DZIP3: variants seen among roughly 807,000 people sequenced by gnomAD.
DZIP3 encodes the protein DAZ interacting zinc finger protein 3, also known as E3 ubiquitin-protein ligase DZIP3.
A neutral mutation model predicts 162.0 loss-of-function variants in DZIP3; 118 were observed. The ratio of observed to expected loss-of-function variants is 0.73; its 90% CI spans 0.63 to 0.85. DZIP3 has a LOEUF of 0.85. Ranked by LOEUF, DZIP3 falls within the 40% of genes least tolerant of loss-of-function variation. DZIP3 has a pLI of 0.00. For synonymous variants in DZIP3, 438 were observed against 458.6 expected (o/e 0.96, Z 0.57); for missense variants, 1,331 against 1,407.0 (o/e 0.95, Z 0.86).
At chr3:108,684,784 A>G (rs568933257) in intron 27 of DZIP3, among the ~76,000 whole-genome samples, 13 of 152,198 alleles carry the variant, frequency 8.5e-5, no homozygotes, top group Non-Finnish European at 1.8e-4. Context: ...AAGTGTATCT[A>G]TAAACAGACT....
At chr3:108,665,341 A>T (rs1276675848) in intron 21 of DZIP3, among the ~76,000 whole-genome samples, 1 of 152,182 alleles carries the variant, frequency 6.6e-6, no homozygotes, top group Non-Finnish European at 1.5e-5. Context: ...GCTGGATATA[A>T]TCACTAGTAA....
At chr3:108,611,373 G>T (rs765870910) in intron 4 of DZIP3, 44 bp downstream of exon 4, 3 of 1,588,540 alleles carry the variant, frequency 1.9e-6, no homozygotes, top group African/African-American at 2.7e-5. Context: ...GCAGCTGTCT[G>T]TATATGACTT....
Position 108,647,798 on chromosome 3 carries a change from A to C in DZIP3, c.1793-145A>C. On this transcript the variant is annotated intron_variant, in intron 15 of 32. Coordinates refer to ENST00000361582, the MANE Select transcript of DZIP3 (RefSeq NM_014648.4). ...ATTTGGTAACTGATAAATGAACATC[A>C]CATTTTCATCGAGTAATTGAAAAGA... 3 of 642,524 alleles carry C rather than the reference A, an allele frequency of 4.7e-6. No individual in the cohort carries two copies. In the South Asian group the frequency reaches 7.6e-5, roughly 16 times the overall value. The allele number at this position is 642,524 out of a possible 1,614,324, so 39.8% of individuals were successfully genotyped here. A position where few individuals can be genotyped will look rare whatever the true frequency, so the allele number is the denominator to read the frequency against.
At chr3:108,612,688 G>A (rs565953985) in intron 4 of DZIP3, among the ~76,000 whole-genome samples, 2 of 152,020 alleles carry the variant, frequency 1.3e-5, no homozygotes, top group African/African-American at 4.8e-5. Flanking sequence ...TTACATCTAG[G>A]TATTACATAT....
chr3:108,639,196 G>C (rs1942282438), intron 12 of DZIP3, among the ~76,000 whole-genome samples: 1 of 152,036 alleles, frequency 6.6e-6, no homozygotes, highest in East Asian at 1.9e-4. Flanking sequence ...CACTTTCTTG[G>C]CTGTCTTCTC....
At chr3:108,598,486 CTCTT>C (rs1559714911) in intron 1 of DZIP3, among the ~76,000 whole-genome samples, 1 of 152,142 alleles carries the variant, frequency 6.6e-6, no homozygotes, top group Non-Finnish European at 1.5e-5. Flanking sequence ...TGAAAAGAAA[CTCTT>C]TATAACCAAA....
Position 108,663,390 on chromosome 3 carries a change from C to T in DZIP3, c.2423+1133C>T, listed in dbSNP as rs975645637. Among the ~76,000 whole-genome samples, 19 of 152,096 alleles carry T rather than the reference C, an allele frequency of 1.2e-4. 1 individual carries two copies. Among genetic ancestry groups the T allele is most frequent in the Middle Eastern group, 3.4e-3 (1 of 294 alleles). Reference sequence around the variant, plus strand: ...TGACCAACATGGAAAAACCCCATCTCTACTAAAAATACAAAATTAGCCAGG... The same window carrying T: ...TGACCAACATGGAAAAACCCCATCTTTACTAAAAATACAAAATTAGCCAGG... On this transcript the variant is annotated intron_variant, in intron 21 of 32. Coordinates refer to ENST00000361582, the MANE Select transcript of DZIP3 (RefSeq NM_014648.4).
At chr3:108,624,374 T>G (rs1386929870) in intron 5 of DZIP3, 70 bp from the exon 6 acceptor site, 3 of 814,016 alleles carry the variant, frequency 3.7e-6, no homozygotes, top group Non-Finnish European at 6.2e-6. Context: ...CTTAGGATAT[T>G]TAATTAAGCT....
intron 22 of DZIP3, among the ~76,000 whole-genome samples, chr3:108,672,188 C>G (rs1279654360): frequency 6.6e-6 from 1 of 151,888 alleles, no homozygotes; most frequent in African/African-American, 2.4e-5. Context: ...GCACCACCTC[C>G]TAATACCATC....
chr3:108,659,286 T>G (rs1943303394), intron 19 of DZIP3, among the ~76,000 whole-genome samples: 1 of 152,168 alleles, frequency 6.6e-6, no homozygotes, highest in Non-Finnish European at 1.5e-5. Flanking sequence ...TCAAAAAGCT[T>G]ATCCACCATG....
At chr3:108,613,879 A>G (rs960076130) in intron 4 of DZIP3, among the ~76,000 whole-genome samples, 2 of 152,214 alleles carry the variant, frequency 1.3e-5, no homozygotes, top group Non-Finnish European at 2.9e-5. Flanking sequence ...TATACCTCTA[A>G]TCTAGGTAAC....
intron 12 of DZIP3, 136 bp from the exon 13 acceptor site, chr3:108,642,302 T>C (rs1345449908): frequency 3.0e-6 from 3 of 991,746 alleles, no homozygotes; most frequent in East Asian, 3.3e-5. Context: ...CTCTATTTGT[T>C]CATTATTTTT....
At chr3:108,628,507 C>T (rs1275830106) in intron 7 of DZIP3, among the ~76,000 whole-genome samples, 1 of 152,156 alleles carries the variant, frequency 6.6e-6, no homozygotes, top group African/African-American at 2.4e-5. Flanking sequence ...GCATAGTCTG[C>T]CTTATGTCTA....
intron 19 of DZIP3, 137 bp downstream of exon 19, chr3:108,654,447 TAAGGAGGGATATATG>T: frequency 2.1e-6 from 2 of 940,630 alleles, no homozygotes; most frequent in Non-Finnish European, 3.3e-6. Flanking sequence ...GCATAAAAGG[TAAGGAGGGATATATG>T]AAGGAAAATA....
intron 3 of DZIP3, 144 bp downstream of exon 3, chr3:108,608,302 T>C: frequency 1.1e-5 from 7 of 619,424 alleles, no homozygotes; most frequent in Non-Finnish European, 2.0e-5. Context: ...AGTAAAATGG[T>C]CACAGTTAAA....
chr3:108,693,948 A>G lies in DZIP3; in HGVS notation c.*595A>G, dbSNP rs1944790473. ...CTAAGAATTTTCATTTTTAGGGGTC[A>G]AAAACCTATTTTGAAAATAGTGTTG... is the stretch of plus-strand genomic sequence containing the variant. On this transcript the variant is annotated 3_prime_UTR_variant, in exon 33 of 33. Transcript: ENST00000361582. The G allele has an allele frequency of 6.6e-6, 1 of 152,176 alleles. No homozygotes were observed. Among genetic ancestry groups the G allele is most frequent in the Non-Finnish European group, 1.5e-5 (1 of 68,040 alleles). 9.4% of individuals were successfully genotyped at this position (152,176 alleles called of 1,614,324 possible). A position where few individuals can be genotyped will look rare whatever the true frequency, so the allele number is the denominator to read the frequency against.
intron 5 of DZIP3, among the ~76,000 whole-genome samples, chr3:108,621,098 G>T (rs1941311574): frequency 6.6e-6 from 1 of 152,196 alleles, no homozygotes; most frequent in African/African-American, 2.4e-5. Flanking sequence ...TGGGATTACA[G>T]GCATGAGCCA....
Position 108,636,668 on chromosome 3 carries a change from G to A in DZIP3, c.971G>A (p.Arg324Lys), listed in dbSNP as rs997496025. Residue 324 changes from arginine to lysine, a missense_variant, in exon 11 of 33, where the codon AGG becomes AAG. Transcript: ENST00000361582. ...LKEGCTGDMV[R>K]MLQCDVPGIV... ...GAAGGATGTACAGGTGACATGGTAA[G>A]GATGCTGCAATGTGATGTACCTGGA... 3 of 1,586,256 alleles carry A rather than the reference G, an allele frequency of 1.9e-6. No individual in the cohort carries two copies. The highest frequency in any genetic ancestry group is 2.4e-5 in the South Asian group (2 of 84,128).
At chr3:108,591,507 C>T (rs1214543339) in intron 1 of DZIP3, among the ~76,000 whole-genome samples, 1 of 152,230 alleles carries the variant, frequency 6.6e-6, no homozygotes, top group Non-Finnish European at 1.5e-5. Flanking sequence ...CTTAAGCAGT[C>T]ATACAAATTT....
Sources: allele counts gnomAD v4.1 joint callset (sites outside exome capture counted in the v4.1 genomes callset), GRCh38; gene constraint gnomAD v4.1.1; transcripts MANE v1.5; gene names NCBI Gene and HGNC (gene_info 2026-07-23, HGNC 2026-07-21).